The following UBTF variants were observed in gnomAD, a reference collection of about 807,000 sequenced individuals.
The protein encoded by UBTF is nucleolar transcription factor 1.
UBTF carries 8 observed loss-of-function variants against 112.3 expected under a neutral mutation model. The ratio of observed to expected loss-of-function variants is 0.07; its 90% CI spans 0.04 to 0.13. The LOEUF is 0.13. Among genes scored for constraint, UBTF ranks in the 10% least tolerant of loss-of-function variants. The pLI is 1.00. For missense variants in UBTF, 457 were observed against 982.1 expected, an observed-to-expected ratio of 0.47 and a Z score of 7.15; for synonymous variants, 417 against 373.1, an observed-to-expected ratio of 1.12 and a Z score of -1.36.
At chr17:44,216,252 ACACCTCCGTCAATCTCAGCATGCTAG>A (rs1035081770) in intron 3 of UBTF, 108 of 604,026 alleles carry the variant, frequency 1.8e-4, no homozygotes, top group African/African-American at 1.6e-3. Flanking sequence ...GTCCATGCTA[ACACCTCCGTCAATCTCAGCATGCTAG>A]CACCTCCGTC....
rs1443417121 is a variant in UBTF, at chr17:44,218,061, C to T, written c.58+111G>A. ...TCATAAATACTCAAGGCACTTTCTC[C>T]CCCAGTTCAGTGTATGCAGACTGAA... On this transcript the variant is annotated intron_variant, in intron 2 of 20. Transcript: ENST00000436088. 5 of 1,081,866 alleles carry T rather than the reference C, an allele frequency of 4.6e-6. No individual in the cohort carries two copies. In the African/African-American group the frequency reaches 7.9e-5, roughly 17 times the overall value. The allele number at this position is 1,081,866 out of a possible 1,614,324, so 67.0% of individuals were successfully genotyped here.
At chr17:44,212,632 G>A (rs2056762326) in intron 7 of UBTF, among the ~76,000 whole-genome samples, 178 bp from the exon 8 acceptor site, 1 of 152,064 alleles carries the variant, frequency 6.6e-6, no homozygotes, top group South Asian at 2.1e-4. Flanking sequence ...CAAGGGGACT[G>A]GCTCATACAC....
At chr17:44,208,434 A>G (rs2056419397) in intron 17 of UBTF, among the ~76,000 whole-genome samples, 1 of 152,168 alleles carries the variant, frequency 6.6e-6, no homozygotes, top group Non-Finnish European at 1.5e-5. Flanking sequence ...TCTGATACCC[A>G]GAGTCCTTCT....
intron 5 of UBTF, 190 bp downstream of exon 5, chr17:44,215,464 T>C (rs1180849280): frequency 3.7e-5 from 24 of 655,950 alleles, no homozygotes; most frequent in Non-Finnish European, 6.2e-5. Flanking sequence ...TCTGTGATGG[T>C]GCCTGTGCCT....
Position 44,206,987 on chromosome 17 carries a change from C to T in UBTF, c.*255G>A, listed in dbSNP as rs547888617. The T allele has an allele frequency of 3.6e-5, 20 of 549,846 alleles. No individual in the cohort carries two copies. The highest frequency in any genetic ancestry group is 1.6e-4 in the South Asian group (6 of 38,502). 34.1% of individuals were successfully genotyped at this position (549,846 alleles called of 1,614,324 possible). A position where few individuals can be genotyped will look rare whatever the true frequency, so the allele number is the denominator to read the frequency against. On this transcript the variant is annotated 3_prime_UTR_variant, in exon 21 of 21. Transcript: ENST00000436088. ...GTGGGTGGGGTGGGCCAGGCTGGTC[C>T]GGTGCTGGCTTAGTCTGATAGTTGC...
intron 4 of UBTF, 25 bp downstream of exon 4, chr17:44,215,881 C>T: frequency 6.2e-7 from 1 of 1,614,040 alleles, no homozygotes. Context: ...CCATACCCCT[C>T]ATGCTCCTCC....
chr17:44,219,357 G>C (rs1319797932), intron 1 of UBTF, 88 bp downstream of exon 1: 3 of 150,860 alleles, frequency 2.0e-5, no homozygotes, highest in Non-Finnish European at 4.4e-5. Flanking sequence ...GGTCGCTTCG[G>C]GTCCCCGCTG....
At chr17:44,215,876 C>G in intron 4 of UBTF, 30 bp downstream of exon 4, 2 of 1,614,016 alleles carry the variant, frequency 1.2e-6, no homozygotes, top group Non-Finnish European at 1.7e-6. Context: ...TCCTCCCATA[C>G]CCCTCATGCT....
Position 44,207,134 on chromosome 17 carries a change from G to T in UBTF, c.*108C>A. On this transcript the variant is annotated 3_prime_UTR_variant, in exon 21 of 21. Transcript: ENST00000436088. ...TTTTTTTAAAGAAAGAAAGAAAGTG[G>T]GGGAGGCCAGGGGGGCAAGGGACAG... The T allele has an allele frequency of 8.1e-7, 1 of 1,238,770 alleles. No individual in the cohort carries two copies. The highest frequency in any genetic ancestry group is 1.1e-6 in the Non-Finnish European group (1 of 891,204). The allele number at this position is 1,238,770 out of a possible 1,614,324, so 76.7% of individuals were successfully genotyped here.
upstream of UBTF, chr17:44,221,072 A>G (rs907356803): frequency 8.7e-5 from 13 of 148,818 alleles, no homozygotes; most frequent in African/African-American, 2.7e-4. Context: ...CTTCCCTCCC[A>G]CTGCTCTAGG....
chr17:44,212,293 G>A, intron 8 of UBTF, 51 bp downstream of exon 8: 1 of 1,511,750 alleles, frequency 6.6e-7, no homozygotes, highest in Non-Finnish European at 9.2e-7. Context: ...GGAGTCGGAG[G>A]GCAGAGGCTC....
In UBTF at chr17:44,218,259, G is replaced by C. The variant is rs1172796581; in HGVS notation, c.-30C>G. On this transcript the variant is annotated 5_prime_UTR_variant, in exon 2 of 21. Coordinates refer to ENST00000436088, the MANE Select transcript of UBTF (RefSeq NM_014233.4). Reference sequence around the variant, plus strand: ...CAGCTGTCCAGCCACCTCCTCGGTCGTGCTGGCCGGGCAACCCGGGGTCAA... The same window carrying C: ...CAGCTGTCCAGCCACCTCCTCGGTCCTGCTGGCCGGGCAACCCGGGGTCAA... 1 of 1,610,522 alleles carries C rather than the reference G, an allele frequency of 6.2e-7. No homozygotes were observed. The highest frequency in any genetic ancestry group is 8.5e-7 in the Non-Finnish European group (1 of 1,179,302).
chr17:44,216,444 T>G, intron 3 of UBTF, 85 bp downstream of exon 3: 1 of 1,512,980 alleles, frequency 6.6e-7, no homozygotes, highest in Non-Finnish European at 9.1e-7. Context: ...CTGGTCTCTT[T>G]CCTTCCTGTT....
intron 3 of UBTF, 66 bp from the exon 4 acceptor site, chr17:44,216,055 C>T (rs940231301): frequency 1.5e-6 from 2 of 1,292,522 alleles, no homozygotes; most frequent in African/African-American, 2.9e-5. Flanking sequence ...GTAGTATACC[C>T]CCATCTTATA....
At chr17:44,212,782 T>A in intron 7 of UBTF, 37 bp downstream of exon 7, 1 of 1,611,200 alleles carries the variant, frequency 6.2e-7, no homozygotes, top group South Asian at 1.1e-5. Flanking sequence ...GCCACCGCCG[T>A]GCATCCTCCA....
chr17:44,220,648 C>T (rs548204331), upstream of UBTF: 2 of 152,336 alleles, frequency 1.3e-5, no homozygotes, highest in East Asian at 3.9e-4. Flanking sequence ...CGGCATGGTT[C>T]TCCAGGCCTG....
At chr17:44,208,833 C>T (rs908560902) in intron 17 of UBTF, 2 of 292,504 alleles carry the variant, frequency 6.8e-6, no homozygotes, top group Admixed American at 4.8e-5. Context: ...CTTCTACTTA[C>T]TGTGTGACCT....
intron 3 of UBTF, 136 bp downstream of exon 3, chr17:44,216,393 G>A: frequency 1.9e-6 from 2 of 1,028,726 alleles, no homozygotes; most frequent in Non-Finnish European, 2.9e-6. Context: ...AATGCAAAGG[G>A]GCAGGTAGAG....
At chr17:44,220,046 G>C (rs1598279671), upstream of UBTF, among the ~76,000 whole-genome samples, 1 of 143,406 alleles carries the variant, frequency 7.0e-6, no homozygotes, top group Non-Finnish European at 1.5e-5. Flanking sequence ...TGCTGGCGGC[G>C]GCGGCGGCTG....
Sources: allele counts gnomAD v4.1 joint callset (sites outside exome capture counted in the v4.1 genomes callset), GRCh38; gene constraint gnomAD v4.1.1; transcripts MANE v1.5; gene names NCBI Gene and HGNC (gene_info 2026-07-23, HGNC 2026-07-21).